RSPH14: variants seen among roughly 807,000 people sequenced by gnomAD.
RSPH14 encodes the protein radial spoke head 14 homolog.
Under a neutral mutation model 26.7 loss-of-function variants are expected in RSPH14, and 20 were observed. The ratio of observed to expected loss-of-function variants is 0.75; its 90% confidence interval spans 0.53 to 1.09. RSPH14 has a LOEUF of 1.09. Ranked by LOEUF, RSPH14 falls within the 50% of genes least tolerant of loss-of-function variation. The pLI is 0.00. For missense variants in RSPH14, 449 were observed against 457.2 expected (o/e 0.98, Z 0.16); for synonymous variants, 177 against 189.3 (o/e 0.93, Z 0.53).
the RSPH14 span, among the ~76,000 whole-genome samples, chr22:23,166,547 T>C: frequency 6.6e-6 from 1 of 152,130 alleles, no homozygotes; most frequent in African/African-American, 2.4e-5. Context: ...CTTTAGCCTC[T>C]CCAGCTGGGT....
At chr22:23,102,916 C>G (rs1456633867) in intron 4 of RSPH14, among the ~76,000 whole-genome samples, 1 of 152,256 alleles carries the variant, frequency 6.6e-6, no homozygotes, top group Non-Finnish European at 1.5e-5. Flanking sequence ...AACAGGAGGT[C>G]AGCCAGCGTG....
In RSPH14 at chr22:23,138,907, T is replaced by A; in HGVS notation, c.235A>T (p.Ser79Cys). 1 of 1,549,492 alleles carries A rather than the reference T, an allele frequency of 6.5e-7. No individual in the cohort carries two copies. The highest frequency in any genetic ancestry group is 8.7e-7 in the Non-Finnish European group (1 of 1,147,004). The change falls in exon 3 of 7, where the codon AGC becomes TGC. Residue 79 changes from serine (S) to cysteine (C), a missense_variant. Ser to Cys is a moderately radical substitution (Grantham distance 112). Coordinates refer to ENST00000216036, the MANE Select transcript of RSPH14 (RefSeq NM_014433.3). ...GTCTTTATGCGCACCATACTGTTGC[T>A]ATCCTTCAGCAAAGCTTTCAGGTTC... ...MENLKALLKDSNSMVRIKTTE... is the reference protein window; with the variant it reads ...MENLKALLKDCNSMVRIKTTE...
At chr22:23,151,889 G>C in the RSPH14 span, among the ~76,000 whole-genome samples, 1 of 152,200 alleles carries the variant, frequency 6.6e-6, no homozygotes, top group East Asian at 1.9e-4. Context: ...GCCCTGTTCG[G>C]GGTGTGCCCC....
At chr22:23,099,242 G>T (rs1039542346) in intron 4 of RSPH14, among the ~76,000 whole-genome samples, 1 of 152,272 alleles carries the variant, frequency 6.6e-6, no homozygotes, top group Non-Finnish European at 1.5e-5. Context: ...GTGAGTGCAG[G>T]GCAGCACCTC....
At chr22:23,168,331 G>A in the RSPH14 span, among the ~76,000 whole-genome samples, 1 of 152,168 alleles carries the variant, frequency 6.6e-6, no homozygotes, top group Non-Finnish European at 1.5e-5. Flanking sequence ...CAGGCTTGGA[G>A]GGGACTGCAG....
Position 23,140,216 on chromosome 22 carries a change from G to A in RSPH14, c.199+6C>T, listed in dbSNP as rs760162489. 16 of 1,612,868 alleles carry A rather than the reference G, an allele frequency of 9.9e-6. No individual in the cohort carries two copies. Among genetic ancestry groups the A allele is most frequent in the East Asian group, 4.5e-5 (2 of 44,904 alleles). ...GTCATGGTCACCTGTGCTGTGTCACGCTCACCTATGTTCATGGCCTTGTAG... is the reference window on the plus strand; with the variant it reads ...GTCATGGTCACCTGTGCTGTGTCACACTCACCTATGTTCATGGCCTTGTAG... On this transcript the variant is annotated splice_donor_region_variant and intron_variant, in intron 2 of 6. Coordinates refer to ENST00000216036, the MANE Select transcript of RSPH14 (RefSeq NM_014433.3).
the RSPH14 span, chr22:23,161,081 C>A: frequency 6.8e-7 from 1 of 1,468,118 alleles, no homozygotes; most frequent in South Asian, 1.3e-5. Flanking sequence ...CACCTGAGGC[C>A]TTGCCATTTC....
At chr22:23,073,169 A>G (rs1199356696) in intron 4 of RSPH14, among the ~76,000 whole-genome samples, 1 of 152,240 alleles carries the variant, frequency 6.6e-6, no homozygotes. Context: ...GCTGCTGACC[A>G]TGGCAGGTGC....
chr22:23,173,341 A>G, the RSPH14 span, among the ~76,000 whole-genome samples: 20 of 152,166 alleles, frequency 1.3e-4, no homozygotes, highest in South Asian at 4.1e-4. Context: ...TCAACATGTT[A>G]GCCAGGATGA....
At chr22:23,140,113 G>GC in intron 2 of RSPH14, 109 bp downstream of exon 2, 1 of 1,397,926 alleles carries the variant, frequency 7.2e-7, no homozygotes, top group Non-Finnish European at 9.8e-7. Flanking sequence ...AGTGGAACTG[G>GC]CCTGGAGTCA....
intron 4 of RSPH14, among the ~76,000 whole-genome samples, chr22:23,075,795 G>T (rs989291759): frequency 6.6e-6 from 1 of 152,184 alleles, no homozygotes. Flanking sequence ...CCTTTCAGGA[G>T]ACCCTTGGCC....
At chr22:23,076,689 C>A (rs982584680) in intron 4 of RSPH14, among the ~76,000 whole-genome samples, 64 of 152,344 alleles carry the variant, frequency 4.2e-4, no homozygotes, top group African/African-American at 1.5e-3. Context: ...CACGGGGATT[C>A]ACAGAGTGAT....
At chr22:23,075,001 T>C (rs1166806457) in intron 4 of RSPH14, among the ~76,000 whole-genome samples, 1 of 152,192 alleles carries the variant, frequency 6.6e-6, no homozygotes, top group Non-Finnish European at 1.5e-5. Flanking sequence ...AGCCTGTCTC[T>C]ACAAAAGTAA....
chr22:23,121,005 C>T (rs2146396542), intron 4 of RSPH14, among the ~76,000 whole-genome samples: 1 of 152,316 alleles, frequency 6.6e-6, no homozygotes, highest in South Asian at 2.1e-4. Context: ...TATGATGTGG[C>T]TTCCAGGAAT....
chr22:23,140,112 G>A, intron 2 of RSPH14, 110 bp downstream of exon 2: 2 of 1,382,316 alleles, frequency 1.4e-6, no homozygotes, highest in Non-Finnish European at 2.0e-6. Flanking sequence ...TAGTGGAACT[G>A]GCCTGGAGTC....
At chr22:23,092,064 C>A (rs2068996139) in intron 4 of RSPH14, among the ~76,000 whole-genome samples, 1 of 152,178 alleles carries the variant, frequency 6.6e-6, no homozygotes, top group South Asian at 2.1e-4. Flanking sequence ...GGTGGGGGGT[C>A]CTGGGTGTTG....
At chr22:23,133,120 T>C (rs990456217) in intron 4 of RSPH14, 1 of 152,212 alleles carries the variant, frequency 6.6e-6, no homozygotes, top group Non-Finnish European at 1.5e-5. Context: ...TAAATGCATA[T>C]ACATGTCCAT....
At chr22:23,171,313 G>T in the RSPH14 span, among the ~76,000 whole-genome samples, 3 of 152,102 alleles carry the variant, frequency 2.0e-5, no homozygotes, top group South Asian at 6.2e-4. Flanking sequence ...AAACCTGATG[G>T]TCATCATGTT....
chr22:23,079,215 C>T (rs1461596700), intron 4 of RSPH14, among the ~76,000 whole-genome samples: 1 of 152,230 alleles, frequency 6.6e-6, no homozygotes, highest in African/African-American at 2.4e-5. Flanking sequence ...TGGGGCAAGG[C>T]AGCACACGTG....
Sources: allele counts gnomAD v4.1 joint callset (sites outside exome capture counted in the v4.1 genomes callset), GRCh38; gene constraint gnomAD v4.1.1; transcripts MANE v1.5; gene names NCBI Gene and HGNC (gene_info 2026-07-23, HGNC 2026-07-21).